The following UBE2D2 variants were observed in gnomAD, a reference collection of about 807,000 sequenced individuals.
The protein encoded by UBE2D2 is ubiquitin-conjugating enzyme E2 D2.
A neutral mutation model predicts 24.2 loss-of-function variants in UBE2D2; 2 were observed. The observed-to-expected ratio is 0.08, with a 90% confidence interval of 0.03 to 0.26. The LOEUF (loss-of-function observed/expected upper bound fraction) is 0.26. Ranked by LOEUF, UBE2D2 falls within the 10% of genes least tolerant of loss-of-function variation. UBE2D2 has a pLI of 1.00. For synonymous variants in UBE2D2, 58 were observed against 56.5 expected (o/e 1.03, Z -0.12); for missense variants, 44 against 177.6 (o/e 0.25, Z 4.28).
At chr5:139,618,881 A>G (rs2126705832) in intron 5 of UBE2D2, among the ~76,000 whole-genome samples, 1 of 152,306 alleles carries the variant, frequency 6.6e-6, no homozygotes, top group Middle Eastern at 3.4e-3. Flanking sequence ...AAATGCCTTA[A>G]TCCTGTATAT....
chr5:139,609,536 T>C (rs767387022), intron 2 of UBE2D2, among the ~76,000 whole-genome samples: 7 of 151,088 alleles, frequency 4.6e-5, no homozygotes, highest in Non-Finnish European at 1.0e-4. Context: ...CATGCTTGGC[T>C]AATTTTGTAT....
At chr5:139,612,565 C>T (rs1436336293) in intron 2 of UBE2D2, among the ~76,000 whole-genome samples, 1 of 152,224 alleles carries the variant, frequency 6.6e-6, no homozygotes, top group African/African-American at 2.4e-5. Context: ...AATTAATACT[C>T]TTCCATTATA....
At position 139,625,062 on chromosome 5, in the gene UBE2D2, CT is replaced by C. The variant is rs113465063; in HGVS notation, c.398+1611del. Reference sequence around the variant, plus strand: ...ACTGCCCCCACCCTCTAACCCCCCACTTTTTTTTTTGCAGAGACAGGGTCTT... The same window carrying C: ...ACTGCCCCCACCCTCTAACCCCCCACTTTTTTTTTGCAGAGACAGGGTCTT... On this transcript the variant is annotated intron_variant, in intron 6 of 6. Transcript: ENST00000398733. Among the ~76,000 whole-genome samples the C allele has an allele frequency of 5.1e-4, 74 of 146,446 alleles. 2 individuals are homozygous for C. In the Middle Eastern group the frequency reaches 0.01, roughly 21 times the overall value.
intron 2 of UBE2D2, among the ~76,000 whole-genome samples, chr5:139,608,500 T>C (rs1177327205): frequency 6.6e-6 from 1 of 151,366 alleles, no homozygotes; most frequent in Non-Finnish European, 1.5e-5. Context: ...CATGCCTATA[T>C]TCCCAGCAGT....
At chr5:139,585,935 CAAAAAAAAAAAA>C (rs60277561) in intron 1 of UBE2D2, among the ~76,000 whole-genome samples, 14 of 25,568 alleles carry the variant, frequency 5.5e-4, no homozygotes, top group East Asian at 3.9e-3. Context: ...GACTCTGTCT[CAAAAAAAAAAAA>C]AAAAAAAAAA....
Position 139,628,211 on chromosome 5 carries a change from C to T in UBE2D2, c.*1410C>T, listed in dbSNP as rs2126714583. ...GTGGCTTTTTGAAGTCTTCCCTTGACCCTAGTAAAATATAGCTTGAAACTT... is the reference window on the plus strand; with the variant it reads ...GTGGCTTTTTGAAGTCTTCCCTTGATCCTAGTAAAATATAGCTTGAAACTT... On this transcript the variant is annotated 3_prime_UTR_variant, in exon 7 of 7. Coordinates refer to ENST00000398733, the MANE Select transcript of UBE2D2 (RefSeq NM_003339.3). 6.5e-6 allele frequency: 1 copy of T among 152,758 alleles called. No homozygotes were observed. Among genetic ancestry groups the T allele is most frequent in the East Asian group, 1.9e-4 (1 of 5,192 alleles). The allele number at this position is 152,758 out of a possible 1,614,324, so 9.5% of individuals were successfully genotyped here.
At chr5:139,549,559 C>G (rs1259999161) in intron 1 of UBE2D2, among the ~76,000 whole-genome samples, 1 of 152,230 alleles carries the variant, frequency 6.6e-6, no homozygotes, top group African/African-American at 2.4e-5. Flanking sequence ...CAAATTCTTG[C>G]CGGGCCTCAG....
intron 6 of UBE2D2, among the ~76,000 whole-genome samples, chr5:139,625,712 C>G (rs1358725208): frequency 3.3e-5 from 5 of 151,782 alleles, no homozygotes; most frequent in Admixed American, 2.6e-4. Flanking sequence ...TCAAGTGATT[C>G]CTGTGCCTCA....
Position 139,561,753 on chromosome 5 carries a change from CG to C in UBE2D2, c.-38del. ...CCCTTCCCCGTCCCTTCCCCGCCCC[CG>C]TCCCCGCCCCGGGGGCCGCCGCCAC... On this transcript the variant is annotated 5_prime_UTR_variant, in exon 1 of 7. Transcript: ENST00000398733. 1.4e-6 allele frequency: 2 copies of C among 1,454,930 alleles called. No individual in the cohort carries two copies. Among genetic ancestry groups the C allele is most frequent in the Non-Finnish European group, 1.8e-6 (2 of 1,097,266 alleles). The allele number at this position is 1,454,930 out of a possible 1,614,324, so 90.1% of individuals were successfully genotyped here.
chr5:139,569,650 G>A (rs947626977), intron 1 of UBE2D2, among the ~76,000 whole-genome samples: 13 of 152,204 alleles, frequency 8.5e-5, no homozygotes, highest in Non-Finnish European at 1.8e-4. Flanking sequence ...TGTCTGCAGA[G>A]TCAAGTGAGA....
chr5:139,600,308 C>G (rs1440417338), intron 1 of UBE2D2, 64 bp from the exon 2 acceptor site: 1 of 1,543,306 alleles, frequency 6.5e-7, no homozygotes, highest in Non-Finnish European at 8.9e-7. Context: ...ACAATATAAA[C>G]TTTAGTAATG....
rs1038120242 is a variant in UBE2D2 at position 139,541,037 on chromosome 5, C to T, written c.-64+14425C>T. On this transcript the variant is annotated intron_variant, in intron 1 of 6. Coordinates refer to the UBE2D2 transcript ENST00000511725. ...ATGCAGCTGGGCACGGTAGCTCATC[C>T]CTGTAATCCCAACCCTTTGGGAGGC... Among the ~76,000 whole-genome samples, 8 of 151,674 alleles carry T rather than the reference C, an allele frequency of 5.3e-5. No homozygotes were observed. The East Asian group carries it at 1.5e-3, about 29-fold the overall frequency.
At chr5:139,624,971 G>A (rs1165191367) in intron 6 of UBE2D2, among the ~76,000 whole-genome samples, 2 of 152,138 alleles carry the variant, frequency 1.3e-5, no homozygotes, top group African/African-American at 2.4e-5. Context: ...ATGCTTACCA[G>A]AAGTCATTTC....
intron 1 of UBE2D2, among the ~76,000 whole-genome samples, chr5:139,569,452 C>T (rs1341078506): frequency 6.6e-6 from 1 of 152,120 alleles, no homozygotes; most frequent in Non-Finnish European, 1.5e-5. Context: ...ATATCCTAGG[C>T]AGTTCCCAGG....
At chr5:139,614,018 C>T (rs1039782091) in intron 2 of UBE2D2, among the ~76,000 whole-genome samples, 3 of 147,726 alleles carry the variant, frequency 2.0e-5, no homozygotes, top group South Asian at 2.1e-4. Flanking sequence ...GCCGAAATTG[C>T]GCCAGCGCAC....
rs1162782497 is a variant in UBE2D2, at chr5:139,627,666, A to C, written c.*865A>C. 2.6e-5 allele frequency: 4 copies of C among 152,632 alleles called. No individual in the cohort carries two copies. The highest frequency in any genetic ancestry group is 5.9e-5 in the Non-Finnish European group (4 of 68,044). The allele number at this position is 152,632 out of a possible 1,614,324, so 9.5% of individuals were successfully genotyped here. A position where few individuals can be genotyped will look rare whatever the true frequency, so the allele number is the denominator to read the frequency against. The stretch of plus-strand genomic sequence containing the variant: ...CAAGAATGATTAATCTGTGTAATAA[A>C]CTGGTTACTACAGTCATTACATATA... On this transcript the variant is annotated 3_prime_UTR_variant, in exon 7 of 7. Transcript: ENST00000398733.
At chr5:139,544,492 T>A (rs1482630638) in intron 1 of UBE2D2, among the ~76,000 whole-genome samples, 1 of 151,644 alleles carries the variant, frequency 6.6e-6, no homozygotes, top group East Asian at 1.9e-4. Flanking sequence ...GGTTTCACCA[T>A]GTTGGCCAGG....
intron 6 of UBE2D2, among the ~76,000 whole-genome samples, chr5:139,625,972 C>A (rs75284441): frequency 0.014 from 2,166 of 152,188 alleles, 53 homozygotes; most frequent in African/African-American, 0.049. Flanking sequence ...AAATGTTCTT[C>A]TGAAGCAATA....
At chr5:139,580,982 C>G (rs938153835) in intron 1 of UBE2D2, among the ~76,000 whole-genome samples, 1 of 151,950 alleles carries the variant, frequency 6.6e-6, no homozygotes, top group Non-Finnish European at 1.5e-5. Context: ...TGGGCTTTAC[C>G]GTAGTACTTA....
Sources: allele counts gnomAD v4.1 joint callset (sites outside exome capture counted in the v4.1 genomes callset), GRCh38; gene constraint gnomAD v4.1.1; transcripts MANE v1.5; gene names NCBI Gene and HGNC (gene_info 2026-07-23, HGNC 2026-07-21).